TEAD3: variants seen among roughly 807,000 people sequenced by gnomAD.
TEAD3 encodes TEA domain transcription factor 3.
A neutral mutation model predicts 55.6 loss-of-function variants in TEAD3; 15 were observed. The ratio of observed to expected loss-of-function variants is 0.27; its 90% CI spans 0.18 to 0.42. The LOEUF (loss-of-function observed/expected upper bound fraction) is 0.42. Among genes scored for constraint, TEAD3 ranks in the 10% least tolerant of loss-of-function variants. The pLI, the probability that TEAD3 is intolerant of heterozygous loss-of-function variation, is 1.00. For missense variants in TEAD3, 407 were observed against 576.8 expected (o/e 0.71, Z 3.01); for synonymous variants, 210 against 232.2 (o/e 0.90, Z 0.87).
rs377763121 is a variant in TEAD3, at chr6:35,475,901, A to G, written c.900+18T>C. On this transcript the variant is annotated intron_variant, in intron 10 of 12. Transcript: ENST00000639578. This position sits in a 1 kb window ranked among gnomAD's most constrained non-coding sequence, Gnocchi z 5.4. ...GTGGGGAAGGGGGCTTGGAGCAGAG[A>G]AGGCCAGGGGGACTCACCCAGAACT... The G allele has an allele frequency of 1.4e-5, 21 of 1,517,524 alleles. No individual in the cohort carries two copies. The African/African-American group carries it at 2.4e-4, about 17-fold the overall frequency. 94.0% of individuals were successfully genotyped at this position (1,517,524 alleles called of 1,614,324 possible). A position where few individuals can be genotyped will look rare whatever the true frequency, so the allele number is the denominator to read the frequency against.
chr6:35,478,892 T>C (rs1268632774), intron 5 of TEAD3, among the ~76,000 whole-genome samples: 1 of 149,696 alleles, frequency 6.7e-6, no homozygotes, highest in East Asian at 1.9e-4. Flanking sequence ...TTTTTTTTTT[T>C]TTTTTGAGAC....
rs559279181 is a variant in TEAD3 at position 35,491,016 on chromosome 6, G to A, written c.-49-4305C>T. Among the ~76,000 whole-genome samples, 2 of 152,126 alleles carry A rather than the reference G, an allele frequency of 1.3e-5. No individual in the cohort carries two copies. The highest frequency in any genetic ancestry group is 4.8e-5 in the African/African-American group (2 of 41,478). ...GGAGACCAAGGCCGGGGTGGGGCCT[G>A]AGACAGACAGGAGGGGCAGGGGAGA... On this transcript the variant is annotated intron_variant, in intron 1 of 12. Coordinates refer to ENST00000639578, the Ensembl canonical transcript of TEAD3. The surrounding 1 kb of genome is among the most constrained non-coding windows in gnomAD (Gnocchi z 4.4).
At chr6:35,492,163 G>A (rs918857272) in intron 1 of TEAD3, among the ~76,000 whole-genome samples, 5 of 152,230 alleles carry the variant, frequency 3.3e-5, no homozygotes, top group African/African-American at 1.2e-4. Context: ...TTCTCACTTG[G>A]AGTGAGAACA....
At chr6:35,487,493 A>C (rs893314318) in intron 1 of TEAD3, among the ~76,000 whole-genome samples, 1 of 145,616 alleles carries the variant, frequency 6.9e-6, no homozygotes, top group African/African-American at 2.6e-5. Flanking sequence ...CAGAGGTTGC[A>C]GTGAGCCGAG....
intron 7 of TEAD3, 141 bp from the exon 8 acceptor site, chr6:35,477,513 G>A (rs1407298337): frequency 2.0e-5 from 14 of 714,554 alleles, no homozygotes; most frequent in East Asian, 2.8e-5. Flanking sequence ...AAGCTAACTC[G>A]CAAGCTTTTT....
intron 1 of TEAD3, among the ~76,000 whole-genome samples, chr6:35,490,633 C>T (rs1324081626): frequency 2.6e-5 from 4 of 152,314 alleles, no homozygotes; most frequent in Admixed American, 2.6e-4. Flanking sequence ...CGTCTGGGGG[C>T]TGGACCGGGG....
In TEAD3 at chr6:35,475,899, A is replaced by G; in HGVS notation, c.900+20T>C. ...GGGTGGGGAAGGGGGCTTGGAGCAG[A>G]GAAGGCCAGGGGGACTCACCCAGAA... On this transcript the variant is annotated intron_variant, in intron 10 of 12. Transcript: ENST00000639578. The surrounding 1 kb of genome is among the most constrained non-coding windows in gnomAD (Gnocchi z 5.4). 1 of 1,516,164 alleles carries G rather than the reference A, an allele frequency of 6.6e-7. No individual in the cohort carries two copies. Among genetic ancestry groups the G allele is most frequent in the South Asian group, 1.3e-5 (1 of 76,036 alleles). 93.9% of individuals were successfully genotyped at this position (1,516,164 alleles called of 1,614,324 possible).
intron 7 of TEAD3, 71 bp downstream of exon 7, chr6:35,478,204 C>G (rs1186222327): frequency 2.5e-6 from 4 of 1,590,530 alleles, no homozygotes; most frequent in Non-Finnish European, 3.4e-6. Context: ...TTGCTGGAGC[C>G]CAAATGGGAG....
intron 3 of TEAD3, 95 bp downstream of exon 4, chr6:35,480,217 A>G: frequency 2.6e-6 from 4 of 1,559,398 alleles, no homozygotes; most frequent in Non-Finnish European, 3.5e-6. Flanking sequence ...GTGGGGCTGG[A>G]GAGCTGGCCA....
At chr6:35,487,317 G>GCCGA (rs1171607998) in intron 1 of TEAD3, among the ~76,000 whole-genome samples, 1 of 152,128 alleles carries the variant, frequency 6.6e-6, no homozygotes, top group Non-Finnish European at 1.5e-5. Flanking sequence ...ACTTTGGGAG[G>GCCGA]CCGAGGTGGT....
At chr6:35,490,478 G>A (rs1038800173) in intron 1 of TEAD3, among the ~76,000 whole-genome samples, 1 of 152,194 alleles carries the variant, frequency 6.6e-6, no homozygotes, top group Non-Finnish European at 1.5e-5. Flanking sequence ...CAACACAGGG[G>A]CAAGTGGCAC....
rs1768346022 is a variant in TEAD3 at position 35,485,060 on chromosome 6, T to C, written c.203-436A>G. The stretch of plus-strand genomic sequence containing the variant: ...CACCAGCTCCAGTACTCTTAGTGCA[T>C]GGATTTGTGGGGGCGTGTGAATGAG... On this transcript the variant is annotated intron_variant, in intron 2 of 12. Coordinates refer to ENST00000639578, the Ensembl canonical transcript of TEAD3. This position sits in a 1 kb window ranked among gnomAD's most constrained non-coding sequence, Gnocchi z 4.3. Among the ~76,000 whole-genome samples the C allele has an allele frequency of 1.3e-5, 2 of 152,288 alleles. No homozygotes were observed. The highest frequency in any genetic ancestry group is 2.1e-4 in the South Asian group (1 of 4,830).
chr6:35,496,631 G>C lies in TEAD3; in HGVS notation c.-50+267C>G, dbSNP rs1768664483. On this transcript the variant is annotated intron_variant, in intron 1 of 12. Transcript: ENST00000639578. The surrounding 1 kb of genome is among the most constrained non-coding windows in gnomAD (Gnocchi z 4.8). The stretch of plus-strand genomic sequence containing the variant: ...GACGGCGGGACAGGCGACGGCACAG[G>C]GGACACGGTCTCCCCGGCTTCCCCA... Among the ~76,000 whole-genome samples the C allele has an allele frequency of 6.6e-6, 1 of 152,180 alleles. No homozygotes were observed. Among genetic ancestry groups the C allele is most frequent in the African/African-American group, 2.4e-5 (1 of 41,448 alleles).
In TEAD3 at chr6:35,496,599, A is replaced by G. The variant is rs1443495059; in HGVS notation, c.-50+299T>C. On this transcript the variant is annotated intron_variant, in intron 1 of 12. Coordinates refer to ENST00000639578, the Ensembl canonical transcript of TEAD3. The surrounding 1 kb of genome is among the most constrained non-coding windows in gnomAD (Gnocchi z 4.8). ...CCCCGGATCCCCGCCCCGACCCCCC[A>G]AGCACGGACGGCGGGACAGGCGACG... Among the ~76,000 whole-genome samples, 1 of 151,908 alleles carries G rather than the reference A, an allele frequency of 6.6e-6. No homozygotes were observed. Among genetic ancestry groups the G allele is most frequent in the African/African-American group, 2.4e-5 (1 of 41,364 alleles).
intron 4 of TEAD3, 79 bp from the exon 5 acceptor site, chr6:35,479,395 A>C (rs1226360270): frequency 1.3e-5 from 20 of 1,562,744 alleles, no homozygotes; most frequent in Non-Finnish European, 1.7e-5. Flanking sequence ...CTTTGCGCCT[A>C]CCTCCACCCA....
chr6:35,479,747 C>T (rs1271805333), intron 4 of TEAD3, among the ~76,000 whole-genome samples: 1 of 152,232 alleles, frequency 6.6e-6, no homozygotes, highest in Non-Finnish European at 1.5e-5. Context: ...ACCTCAATAG[C>T]CCTGCCGGCC....
rs530516154 is a variant in TEAD3, at chr6:35,496,382, C to T, written c.-50+516G>A. 2.0e-5 allele frequency among the ~76,000 whole-genome samples: 3 copies of T among 152,258 alleles called. No homozygotes were observed. The highest frequency in any genetic ancestry group is 7.2e-5 in the African/African-American group (3 of 41,550). On this transcript the variant is annotated intron_variant, in intron 1 of 12. Coordinates refer to ENST00000639578, the Ensembl canonical transcript of TEAD3. The surrounding 1 kb of genome is among the most constrained non-coding windows in gnomAD (Gnocchi z 4.8). ...TTGGTCCCAGACACCCTCCACAACC[C>T]AGCGCAGCCGCGGCACCGCGCGCAG...
rs985151584 is a variant in TEAD3 at position 35,488,265 on chromosome 6, G to A, written c.-49-1554C>T. On this transcript the variant is annotated intron_variant, in intron 1 of 12. Coordinates refer to ENST00000639578, the Ensembl canonical transcript of TEAD3. The surrounding 1 kb of genome is among the most constrained non-coding windows in gnomAD (Gnocchi z 4.2). Reference sequence around the variant, plus strand: ...ACAGCAGCCCGTAAACCACCAACACGCCCGCCCCCGCCCTGGCCCATCCTA... The same window carrying A: ...ACAGCAGCCCGTAAACCACCAACACACCCGCCCCCGCCCTGGCCCATCCTA... 5.3e-5 allele frequency among the ~76,000 whole-genome samples: 8 copies of A among 151,806 alleles called. No individual in the cohort carries two copies. The South Asian group carries it at 8.3e-4, about 16-fold the overall frequency.
At chr6:35,489,517 A>T (rs1275013970) in intron 1 of TEAD3, among the ~76,000 whole-genome samples, 1 of 152,104 alleles carries the variant, frequency 6.6e-6, no homozygotes, top group Non-Finnish European at 1.5e-5. Flanking sequence ...AGACCCCCGC[A>T]CTGCCGTACA....
Sources: allele counts gnomAD v4.1 joint callset (sites outside exome capture counted in the v4.1 genomes callset), GRCh38; gene constraint gnomAD v4.1.1; non-coding constraint Gnocchi (gnomAD v3.1); transcripts MANE v1.5; gene names NCBI Gene and HGNC (gene_info 2026-07-23, HGNC 2026-07-21).